Variants in ARHGAP44 observed in about 807,000 individuals in gnomAD.
ARHGAP44 encodes the protein rho GTPase-activating protein 44.
Under a neutral mutation model 106.8 loss-of-function variants are expected in ARHGAP44, and 43 were observed. That is an observed-to-expected ratio of 0.40 (90% CI 0.32 to 0.52). The LOEUF is 0.52. ARHGAP44 is among the 20% of genes least tolerant of loss of function. ARHGAP44 has a pLI of 0.48. For missense variants in ARHGAP44, 866 were observed against 1,050.5 expected (o/e 0.82, Z 2.43); for synonymous variants, 439 against 410.3 (o/e 1.07, Z -0.85).
intron 20 of ARHGAP44, 47 bp from the exon 21 acceptor site, chr17:12,989,985 T>C (rs1567729510): frequency 5.0e-6 from 8 of 1,586,666 alleles, no homozygotes; most frequent in Non-Finnish European, 6.9e-6. Context: ...GGTTCTCATT[T>C]GCCGGGAAGC....
intron 1 of ARHGAP44, among the ~76,000 whole-genome samples, chr17:12,841,565 G>A (rs2035392222): frequency 7.1e-6 from 1 of 140,422 alleles, no homozygotes; most frequent in Non-Finnish European, 1.5e-5. Context: ...CTGGGCAACA[G>A]AGTGAGACCC....
At position 12,943,580 on chromosome 17, in the gene ARHGAP44, C is replaced by A; in HGVS notation, c.652-8C>A. The A allele has an allele frequency of 6.2e-7, 1 of 1,613,574 alleles. No homozygotes were observed. Among genetic ancestry groups the A allele is most frequent in the South Asian group, 1.1e-5 (1 of 91,038 alleles). ...ACTAAGGGTGATGCTTGCCTTGTGT[C>A]TTCTCAGCTAATAGAAGTGCAAGCT... On this transcript the variant is annotated splice_region_variant and splice_polypyrimidine_tract_variant and intron_variant, in intron 8 of 20. Coordinates refer to ENST00000379672, the MANE Select transcript of ARHGAP44 (RefSeq NM_014859.6).
At chr17:12,905,785 G>A (rs1199176229) in intron 3 of ARHGAP44, among the ~76,000 whole-genome samples, 2 of 152,166 alleles carry the variant, frequency 1.3e-5, no homozygotes, top group Admixed American at 1.3e-4. Context: ...CTGATGGCAG[G>A]TCATGGGACT....
At chr17:12,952,479 A>T (rs1277700619) in intron 12 of ARHGAP44, 22 bp from the exon 13 acceptor site, 1 of 1,544,048 alleles carries the variant, frequency 6.5e-7, no homozygotes, top group Non-Finnish European at 8.8e-7. Context: ...TCAACCAATG[A>T]CCTTTCCTAT....
chr17:12,789,976 C>T (rs2033686464), intron 1 of ARHGAP44, 85 bp downstream of exon 1: 2 of 1,295,030 alleles, frequency 1.5e-6, no homozygotes, highest in Non-Finnish European at 2.1e-6. Flanking sequence ...CCCGCCCAGC[C>T]TCCAGTCCTC....
chr17:12,789,533 G>A lies in ARHGAP44; in HGVS notation c.-306G>A. On this transcript the variant is annotated 5_prime_UTR_variant, in exon 1 of 21. Coordinates refer to ENST00000379672, the MANE Select transcript of ARHGAP44 (RefSeq NM_014859.6). Reference sequence around the variant, plus strand: ...CGGAGACTCCCGGGTCCCCGCGCCGGACTGGGACTGGGAGCAGGCAGCCCG... The same window carrying A: ...CGGAGACTCCCGGGTCCCCGCGCCGAACTGGGACTGGGAGCAGGCAGCCCG... 5.0e-6 allele frequency: 1 copy of A among 199,090 alleles called. No homozygotes were observed. The highest frequency in any genetic ancestry group is 1.0e-5 in the Non-Finnish European group (1 of 98,802). 12.3% of individuals were successfully genotyped at this position (199,090 alleles called of 1,614,324 possible).
intron 1 of ARHGAP44, among the ~76,000 whole-genome samples, chr17:12,841,563 C>T (rs1031770319): frequency 2.7e-5 from 4 of 148,838 alleles, no homozygotes; most frequent in Admixed American, 1.3e-4. Context: ...GCCTGGGCAA[C>T]AGAGTGAGAC....
At chr17:12,959,055 T>C in intron 16 of ARHGAP44, 158 bp downstream of exon 16, 2 of 898,838 alleles carry the variant, frequency 2.2e-6, no homozygotes, top group South Asian at 1.6e-5. Context: ...GTGTCTGGGA[T>C]GAGTTTCTTT....
At chr17:12,837,430 AG>A (rs1291658447) in intron 1 of ARHGAP44, among the ~76,000 whole-genome samples, 1 of 152,162 alleles carries the variant, frequency 6.6e-6, no homozygotes, top group Non-Finnish European at 1.5e-5. Flanking sequence ...AAAAGAAAAG[AG>A]GGTTGATTTT....
intron 1 of ARHGAP44, among the ~76,000 whole-genome samples, chr17:12,894,049 CT>C (rs60752799): frequency 0.026 from 3,921 of 152,222 alleles, 178 homozygotes; most frequent in African/African-American, 0.09. Context: ...AGAAGTCCTA[CT>C]GCTTATTTTT....
At chr17:12,885,868 A>G (rs2036867124) in intron 1 of ARHGAP44, among the ~76,000 whole-genome samples, 1 of 152,138 alleles carries the variant, frequency 6.6e-6, no homozygotes, top group African/African-American at 2.4e-5. Flanking sequence ...GAAGAAGTCT[A>G]ATGTATCATT....
chr17:12,953,477 A>G (rs911965782), intron 13 of ARHGAP44, among the ~76,000 whole-genome samples: 4 of 152,170 alleles, frequency 2.6e-5, no homozygotes, highest in African/African-American at 4.8e-5. Flanking sequence ...CAGTTCCTCA[A>G]ACAATTAAAC....
chr17:12,878,637 C>T (rs1597986524), intron 1 of ARHGAP44, among the ~76,000 whole-genome samples: 1 of 152,152 alleles, frequency 6.6e-6, no homozygotes, highest in Admixed American at 6.5e-5. Flanking sequence ...TAGGCCGCTG[C>T]GTTTCCTTGA....
chr17:12,806,989 G>A (rs1202122018), intron 1 of ARHGAP44, among the ~76,000 whole-genome samples: 4 of 152,050 alleles, frequency 2.6e-5, no homozygotes, highest in African/African-American at 7.2e-5. Context: ...TTTCTTGCTT[G>A]GTAAAGTAGT....
At chr17:12,866,069 C>A (rs1362560193) in intron 1 of ARHGAP44, among the ~76,000 whole-genome samples, 2 of 151,996 alleles carry the variant, frequency 1.3e-5, no homozygotes, top group Admixed American at 6.6e-5. Flanking sequence ...GTGGAAGACA[C>A]TGGAAAAGTA....
intron 5 of ARHGAP44, among the ~76,000 whole-genome samples, chr17:12,917,505 ATCC>A (rs1192169912): frequency 6.6e-6 from 1 of 152,096 alleles, no homozygotes; most frequent in Non-Finnish European, 1.5e-5. Flanking sequence ...CAGAGAGAGA[ATCC>A]TCCTTCTTCC....
intron 1 of ARHGAP44, among the ~76,000 whole-genome samples, chr17:12,848,891 A>G (rs1320158031): frequency 5.3e-5 from 8 of 152,128 alleles, no homozygotes; most frequent in Admixed American, 2.0e-4. Context: ...TACTAAAAAA[A>G]TACAAAATTA....
chr17:12,990,483 T>A lies in ARHGAP44; in HGVS notation c.*312T>A. On this transcript the variant is annotated 3_prime_UTR_variant, in exon 21 of 21. Transcript: ENST00000379672. ...CACCCACCTCTCCATCCAAGGCTGG[T>A]CAGGAACGTCCTTTGCAGGGTCGGG... is the stretch of plus-strand genomic sequence containing the variant. 1 of 298,482 alleles carries A rather than the reference T, an allele frequency of 3.4e-6. No homozygotes were observed. Among genetic ancestry groups the A allele is most frequent in the Non-Finnish European group, 6.7e-6 (1 of 149,452 alleles). 18.5% of individuals were successfully genotyped at this position (298,482 alleles called of 1,614,324 possible).
intron 3 of ARHGAP44, among the ~76,000 whole-genome samples, chr17:12,903,083 T>TGAGAGAGAGAGA (rs67363604): frequency 7.1e-5 from 5 of 70,144 alleles, no homozygotes; most frequent in South Asian, 7.0e-4. Context: ...AGGGAATATA[T>TGAGAGAGAGAGA]GAGAGAGAGA....
Sources: gnomAD v4.1 joint callset for allele counts (sites outside exome capture counted in the v4.1 genomes callset) on GRCh38, gnomAD v4.1.1 for gene constraint, MANE v1.5 for transcripts, NCBI Gene and HGNC (gene_info 2026-07-23, HGNC 2026-07-21) for gene names.